The following RORA variants were observed in gnomAD, a reference collection of about 807,000 sequenced individuals.
RORA encodes the protein nuclear receptor ROR-alpha.
RORA carries 7 observed loss-of-function variants against 69.5 expected under a neutral mutation model. That is an observed-to-expected ratio of 0.10 (90% CI 0.06 to 0.19). RORA has a LOEUF of 0.19. Ranked by LOEUF, RORA falls within the 10% of genes least tolerant of loss-of-function variation. The pLI is 1.00. For synonymous variants in RORA, 261 were observed against 240.8 expected (o/e 1.08, Z -0.78); for missense variants, 457 against 663.0 (o/e 0.69, Z 3.41).
At chr15:60,612,486 G>A (rs186915514) in intron 2 of RORA, among the ~76,000 whole-genome samples, 154 of 152,110 alleles carry the variant, frequency 1.0e-3, no homozygotes, top group African/African-American at 3.5e-3. Flanking sequence ...CTCCTTTAGC[G>A]AACAATTCCC....
intron 1 of RORA, among the ~76,000 whole-genome samples, chr15:60,762,119 G>A (rs565081330): frequency 1.3e-5 from 2 of 152,270 alleles, no homozygotes; most frequent in East Asian, 3.9e-4. Flanking sequence ...AGAAAAAGAA[G>A]CATCTAGAAT....
intron 1 of RORA, among the ~76,000 whole-genome samples, chr15:60,723,684 CTCCA>C (rs1181580961): frequency 3.9e-5 from 6 of 152,164 alleles, no homozygotes; most frequent in African/African-American, 1.2e-4. Context: ...GTACACACAA[CTCCA>C]TCCATCCATC....
chr15:60,806,995 C>G (rs2072668512), intron 1 of RORA, among the ~76,000 whole-genome samples: 1 of 152,132 alleles, frequency 6.6e-6, no homozygotes, highest in African/African-American at 2.4e-5. Context: ...CCCCTGAGAA[C>G]TGAAACAAGA....
chr15:60,951,896 T>C (rs1222813840), intron 1 of RORA, among the ~76,000 whole-genome samples: 1 of 150,370 alleles, frequency 6.7e-6, no homozygotes, highest in East Asian at 1.9e-4. Flanking sequence ...TCTGAAACTA[T>C]TCCAATCAAT....
intron 1 of RORA, among the ~76,000 whole-genome samples, chr15:60,725,421 T>C (rs2071344344): frequency 6.6e-6 from 1 of 152,192 alleles, no homozygotes; most frequent in South Asian, 2.1e-4. Flanking sequence ...TGGAAAAATT[T>C]TTTTAATTTT....
chr15:61,225,578 C>T (rs970302863), intron 1 of RORA, among the ~76,000 whole-genome samples: 1 of 152,134 alleles, frequency 6.6e-6, no homozygotes, highest in Non-Finnish European at 1.5e-5. Flanking sequence ...ACTGTTAATC[C>T]CATCTTTTGG....
At chr15:60,866,924 G>T (rs757700944) in intron 1 of RORA, among the ~76,000 whole-genome samples, 21 of 152,008 alleles carry the variant, frequency 1.4e-4, no homozygotes, top group Non-Finnish European at 2.8e-4. Flanking sequence ...GGAGGGCAGT[G>T]GTGCGATCTT....
chr15:61,069,768 C>T (rs1472574853), intron 1 of RORA, among the ~76,000 whole-genome samples: 1 of 152,100 alleles, frequency 6.6e-6, no homozygotes. Flanking sequence ...AAAATCTCCT[C>T]TTGAAATTTT....
intron 1 of RORA, among the ~76,000 whole-genome samples, chr15:60,997,007 T>A (rs4265751): frequency 3.3e-5 from 5 of 151,864 alleles, no homozygotes; most frequent in South Asian, 4.2e-4. Flanking sequence ...GGGTCAAAAA[T>A]TTTTTTATGG....
chr15:61,017,474 AG>A (rs1431693326), intron 1 of RORA, among the ~76,000 whole-genome samples: 4 of 152,238 alleles, frequency 2.6e-5, no homozygotes, highest in African/African-American at 7.2e-5. Flanking sequence ...CAATATCTCA[AG>A]AACACAAATT....
At chr15:60,529,304 C>T (rs978032957) in intron 3 of RORA, 1 of 151,976 alleles carries the variant, frequency 6.6e-6, no homozygotes, top group African/African-American at 2.4e-5. Context: ...ACCACCTTTA[C>T]CTGGTTAGAA....
intron 1 of RORA, among the ~76,000 whole-genome samples, chr15:61,020,420 T>G (rs938082391): frequency 7.9e-5 from 12 of 152,210 alleles, no homozygotes; most frequent in Non-Finnish European, 1.3e-4. Context: ...TAGTTCGGAA[T>G]TGCTGCTTCT....
Position 60,496,199 on chromosome 15 carries a change from A to G in RORA, c.*1256T>C, listed in dbSNP as rs1294765849. On this transcript the variant is annotated 3_prime_UTR_variant, in exon 11 of 11. Coordinates refer to ENST00000335670, the MANE Select transcript of RORA (RefSeq NM_134261.3). The surrounding 1 kb of genome is among the most constrained non-coding windows in gnomAD (Gnocchi z 4.5). ...TCTGAGATAAACTCATAGGGTTCCT[A>G]GATTATACCAAGAACATAAACATTC... 6.6e-6 allele frequency: 1 copy of G among 152,198 alleles called. No individual in the cohort carries two copies. Among genetic ancestry groups the G allele is most frequent in the Non-Finnish European group, 1.5e-5 (1 of 68,036 alleles). The allele number at this position is 152,198 out of a possible 1,614,324, so 9.4% of individuals were successfully genotyped here. A position where few individuals can be genotyped will look rare whatever the true frequency, so the allele number is the denominator to read the frequency against.
intron 2 of RORA, among the ~76,000 whole-genome samples, chr15:60,607,079 G>A (rs1035288056): frequency 1.3e-5 from 2 of 152,130 alleles, no homozygotes; most frequent in Admixed American, 1.3e-4. Flanking sequence ...TGTGCTCATA[G>A]GCGCAAAGAG....
chr15:60,955,043 C>T (rs531071371), intron 1 of RORA, among the ~76,000 whole-genome samples: 197 of 152,312 alleles, frequency 1.3e-3, no homozygotes, highest in Admixed American at 2.0e-3. Context: ...GTGACTCATG[C>T]CTGTAATCCC....
intron 1 of RORA, among the ~76,000 whole-genome samples, chr15:61,042,366 T>C (rs1321240693): frequency 6.6e-6 from 1 of 151,052 alleles, no homozygotes; most frequent in Non-Finnish European, 1.5e-5. Context: ...GTCACCCTAG[T>C]CCTAATGAAT....
At chr15:61,034,677 G>C (rs10519107) in intron 1 of RORA, among the ~76,000 whole-genome samples, 60,159 of 151,036 alleles carry the variant, frequency 0.4, 13,507 homozygotes, top group Non-Finnish European at 0.52. Flanking sequence ...TAACTCTGAT[G>C]TGTGACTATA....
rs1208563067 is a variant in RORA at position 60,489,273 on chromosome 15, C to G, written c.*8182G>C. 1 of 152,220 alleles carries G rather than the reference C, an allele frequency of 6.6e-6. No individual in the cohort carries two copies. Among genetic ancestry groups the G allele is most frequent in the Non-Finnish European group, 1.5e-5 (1 of 68,034 alleles). The allele number at this position is 152,220 out of a possible 1,614,324, so 9.4% of individuals were successfully genotyped here. ...ATTTATAATTAAGGTAACAGCAACTCTTCCACAAAAATGGAAAATGTCTAG... is the reference window on the plus strand; with the variant it reads ...ATTTATAATTAAGGTAACAGCAACTGTTCCACAAAAATGGAAAATGTCTAG... On this transcript the variant is annotated 3_prime_UTR_variant, in exon 11 of 11. Coordinates refer to ENST00000335670, the MANE Select transcript of RORA (RefSeq NM_134261.3).
intron 1 of RORA, among the ~76,000 whole-genome samples, chr15:61,199,994 T>C (rs1314383134): frequency 6.6e-6 from 1 of 152,184 alleles, no homozygotes; most frequent in Non-Finnish European, 1.5e-5. Flanking sequence ...CAAGACCTTG[T>C]TTTGCAGGGT....
Sources: allele counts gnomAD v4.1 joint callset (sites outside exome capture counted in the v4.1 genomes callset), GRCh38; gene constraint gnomAD v4.1.1; non-coding constraint Gnocchi (gnomAD v3.1); transcripts MANE v1.5; gene names NCBI Gene and HGNC (gene_info 2026-07-23, HGNC 2026-07-21).